The following PCYT1B variants were observed in gnomAD, a reference collection of about 807,000 sequenced individuals.
The protein encoded by PCYT1B is choline-phosphate cytidylyltransferase B.
PCYT1B carries 10 observed loss-of-function variants against 26.4 expected under a neutral mutation model. That is an observed-to-expected ratio of 0.38 (90% confidence interval 0.23 to 0.64). PCYT1B has a LOEUF of 0.64. PCYT1B is among the 30% of genes least tolerant of loss of function. PCYT1B has a pLI of 0.56. For synonymous variants in PCYT1B, 131 were observed against 108.4 expected (o/e 1.21, Z -1.29); for missense variants, 161 against 292.7 (o/e 0.55, Z 3.28).
chrX:24,654,648 G>A (rs769669740), intron 1 of PCYT1B, among the ~76,000 whole-genome samples: 1 of 104,166 alleles, frequency 9.6e-6, no homozygotes, highest in South Asian at 4.6e-4. Flanking sequence ...AGCTGCTCTG[G>A]GGGCTGAGGC....
intron 1 of PCYT1B, among the ~76,000 whole-genome samples, chrX:24,631,294 G>A (rs937074406): frequency 9.0e-6 from 1 of 111,306 alleles, no homozygotes; most frequent in Non-Finnish European, 1.9e-5. Context: ...ACCAAAAAGC[G>A]GTTCAGAAAA....
intron 1 of PCYT1B, among the ~76,000 whole-genome samples, chrX:24,656,793 A>C (rs763351658): frequency 9.1e-6 from 1 of 109,634 alleles, no homozygotes; most frequent in Non-Finnish European, 1.9e-5. Flanking sequence ...CGGCCTCCCA[A>C]AACGCTGGGA....
In PCYT1B at chrX:24,647,066, T is replaced by C; in HGVS notation, c.40A>G (p.Ile14Val). The change falls in exon 1 of 8, where the codon ATC (isoleucine) becomes GTC (valine). Residue 14 changes from isoleucine (I) to valine (V), a missense_variant. Coordinates refer to ENST00000379144, the MANE Select transcript of PCYT1B (RefSeq NM_004845.5). ...GGCTCATTGGAAAGGGATTTTGGGA[T>C]ACCTGTTTCTGACTCAGCATCAGTG... ...VTTDAESETG[I>V]PKSLSNEPPS... The C allele has an allele frequency of 8.3e-7, 1 of 1,210,409 alleles. No individual in the cohort carries two copies. Among genetic ancestry groups the C allele is most frequent in the South Asian group, 1.8e-5 (1 of 56,957 alleles).
chrX:24,631,982 T>G (rs1181452856), intron 1 of PCYT1B, among the ~76,000 whole-genome samples: 1 of 111,002 alleles, frequency 9.0e-6, no homozygotes, highest in Non-Finnish European at 1.9e-5. Flanking sequence ...TGTGTGAGTG[T>G]GCCCTGCGAT....
intron 2 of PCYT1B, among the ~76,000 whole-genome samples, chrX:24,611,277 G>C (rs1256032158): frequency 9.0e-6 from 1 of 110,690 alleles, no homozygotes; most frequent in East Asian, 2.8e-4. Flanking sequence ...CTATAATAAA[G>C]CTTTAAAAAA....
chrX:24,593,692 A>G (rs1274297354), intron 3 of PCYT1B, among the ~76,000 whole-genome samples: 3 of 107,912 alleles, frequency 2.8e-5, no homozygotes, highest in African/African-American at 1.0e-4. Context: ...ACACCTGGCT[A>G]ATTTTTGTAT....
chrX:24,564,842 CA>C (rs1440885754), intron 7 of PCYT1B, among the ~76,000 whole-genome samples: 5 of 111,014 alleles, frequency 4.5e-5, no homozygotes, highest in Non-Finnish European at 9.4e-5. Flanking sequence ...TAGAATCCTA[CA>C]GTATGTGGTC....
intron 1 of PCYT1B, among the ~76,000 whole-genome samples, chrX:24,623,398 T>TATAA (rs1375541474): frequency 1.1e-5 from 1 of 89,229 alleles, no homozygotes; most frequent in Admixed American, 1.3e-4. Flanking sequence ...TATATATATA[T>TATAA]AACTTTAAAT....
chrX:24,670,869 A>G (rs1399258302), intron 1 of PCYT1B, among the ~76,000 whole-genome samples: 1 of 111,923 alleles, frequency 8.9e-6, no homozygotes, highest in African/African-American at 3.2e-5. Flanking sequence ...TGCAAAAGGT[A>G]TCAGAATACG....
chrX:24,589,590 G>A (rs1924487335), intron 4 of PCYT1B, among the ~76,000 whole-genome samples: 1 of 112,023 alleles, frequency 8.9e-6, no homozygotes, highest in Non-Finnish European at 1.9e-5. Context: ...TGACGGTGGT[G>A]ATGGTGGTGA....
intron 1 of PCYT1B, among the ~76,000 whole-genome samples, chrX:24,654,484 C>T (rs1781717188): frequency 1.9e-5 from 2 of 103,016 alleles, no homozygotes; most frequent in South Asian, 9.5e-4. Flanking sequence ...GGTGGCGTGA[C>T]TCACACCTGT....
intron 1 of PCYT1B, among the ~76,000 whole-genome samples, chrX:24,635,464 C>T (rs964446909): frequency 8.9e-6 from 1 of 112,230 alleles, no homozygotes; most frequent in Non-Finnish European, 1.9e-5. Flanking sequence ...TCTAACATGT[C>T]TCAGCTTGAG....
At chrX:24,648,504 C>T (rs1926699360), upstream of PCYT1B, among the ~76,000 whole-genome samples, 1 of 68,656 alleles carries the variant, frequency 1.5e-5, no homozygotes, top group Admixed American at 2.3e-4. Flanking sequence ...GGGGCGGGCG[C>T]GTAGGGACCA....
chrX:24,597,453 G>C, intron 3 of PCYT1B, among the ~76,000 whole-genome samples: 1 of 112,004 alleles, frequency 8.9e-6, no homozygotes, highest in Non-Finnish European at 1.9e-5. Context: ...TCCATGAACA[G>C]CTAGTTTTAA....
At chrX:24,585,440 G>A (rs1924338995) in intron 5 of PCYT1B, among the ~76,000 whole-genome samples, 1 of 111,812 alleles carries the variant, frequency 8.9e-6, no homozygotes, top group Admixed American at 9.5e-5. Flanking sequence ...ATGGAAGGAA[G>A]CCAAGATTTA....
intron 1 of PCYT1B, among the ~76,000 whole-genome samples, chrX:24,622,793 G>A (rs1372848312): frequency 8.9e-6 from 1 of 111,866 alleles, no homozygotes; most frequent in Admixed American, 9.5e-5. Flanking sequence ...GGCTCCCTGT[G>A]AGCTGAGGAA....
Position 24,563,066 on chromosome X carries a change from T to A in PCYT1B, c.898-561A>T, listed in dbSNP as rs192563103. On this transcript the variant is annotated intron_variant, in intron 7 of 7. Transcript: ENST00000379144. ...ACACTCTTTCCTTCTTCCTTTTTTT[T>A]CTTCCATCTACAAAATTTAACTGAG... Among the ~76,000 whole-genome samples, 77 of 111,599 alleles carry A rather than the reference T, an allele frequency of 6.9e-4. No homozygotes were observed. In the East Asian group the frequency reaches 0.015, roughly 21 times the overall value.
intron 2 of PCYT1B, 61 bp downstream of exon 2, chrX:24,618,924 C>G: frequency 2.5e-6 from 2 of 792,963 alleles, no homozygotes; most frequent in Non-Finnish European, 3.5e-6. Context: ...CGCCCGGCCC[C>G]TTTCTGATAC....
intron 1 of PCYT1B, among the ~76,000 whole-genome samples, chrX:24,659,260 T>C (rs1018053776): frequency 8.9e-6 from 1 of 112,365 alleles, no homozygotes; most frequent in African/African-American, 3.2e-5. Flanking sequence ...AAGCTTTTAT[T>C]AAGGCCCTAT....
Sources: gnomAD v4.1 joint callset for allele counts (sites outside exome capture counted in the v4.1 genomes callset) on GRCh38, gnomAD v4.1.1 for gene constraint, MANE v1.5 for transcripts, NCBI Gene and HGNC (gene_info 2026-07-23, HGNC 2026-07-21) for gene names.